Variants in CFAP20DC observed in about 807,000 individuals in gnomAD.
CFAP20DC encodes the protein CFAP20 domain containing.
CFAP20DC carries 84 observed loss-of-function variants against 101.7 expected under a neutral mutation model. That is an observed-to-expected ratio of 0.83 (90% CI 0.69 to 0.99). CFAP20DC has a LOEUF of 0.99. Ranked by LOEUF, CFAP20DC falls within the 50% of genes least tolerant of loss-of-function variation. The pLI, the probability that CFAP20DC is intolerant of heterozygous loss-of-function variation, is 0.00. For missense variants in CFAP20DC, 1,007 were observed against 970.3 expected, an observed-to-expected ratio of 1.04 and a Z score of -0.50; for synonymous variants, 359 against 351.2, an observed-to-expected ratio of 1.02 and a Z score of -0.25.
At chr3:58,962,467 C>A (rs1307027560) in intron 4 of CFAP20DC, among the ~76,000 whole-genome samples, 1 of 152,134 alleles carries the variant, frequency 6.6e-6, no homozygotes, top group Non-Finnish European at 1.5e-5. Flanking sequence ...ATTCCATGTG[C>A]ACTGAAAGAG....
intron 13 of CFAP20DC, among the ~76,000 whole-genome samples, chr3:58,846,414 AT>A (rs2077647991): frequency 6.6e-6 from 1 of 152,066 alleles, no homozygotes; most frequent in South Asian, 2.1e-4. Context: ...CCCATTCACA[AT>A]TGCTTCAAAG....
chr3:58,814,330 T>A (rs1375569024), intron 14 of CFAP20DC, among the ~76,000 whole-genome samples: 1 of 151,846 alleles, frequency 6.6e-6, no homozygotes, highest in Admixed American at 6.6e-5. Flanking sequence ...AAACTCTCAA[T>A]AAATTAGGTA....
Position 58,852,430 on chromosome 3 carries a change from C to T in CFAP20DC, c.1594-3021G>A, listed in dbSNP as rs888479481. On this transcript the variant is annotated intron_variant, in intron 12 of 16. Coordinates refer to ENST00000482387, the MANE Select transcript of CFAP20DC (RefSeq NM_001394063.1). The stretch of plus-strand genomic sequence containing the variant: ...CCACTGTCAACATTAGACAGATCAA[C>T]GAGACAGAAAGTCAACAAGGATACC... Among the ~76,000 whole-genome samples, 6 of 151,834 alleles carry T rather than the reference C, an allele frequency of 4.0e-5. No homozygotes were observed. The East Asian group carries it at 5.8e-4, about 15-fold the overall frequency.
In CFAP20DC at chr3:58,728,564, C is replaced by T. The variant is rs375015746; in HGVS notation, c.198-10936G>A. ...AATGGAAGGCAGGCACAGATTGGGT[C>T]AGTTGATTATTCTGTGCTGAGCTAG... On this transcript the variant is annotated intron_variant, in intron 3 of 3. Transcript: ENST00000486145. The surrounding 1 kb of genome is among the most constrained non-coding windows in gnomAD (Gnocchi z 4.7). Among the ~76,000 whole-genome samples, 142 of 152,232 alleles carry T rather than the reference C, an allele frequency of 9.3e-4. No individual in the cohort carries two copies. The highest frequency in any genetic ancestry group is 3.2e-3 in the African/African-American group (133 of 41,552).
chr3:58,930,901 A>G (rs1022750942), intron 5 of CFAP20DC, among the ~76,000 whole-genome samples: 1 of 152,036 alleles, frequency 6.6e-6, no homozygotes, highest in Non-Finnish European at 1.5e-5. Context: ...CTCACTAGGG[A>G]GTGTCAGACA....
chr3:59,036,201 G>C (rs1490685639), intron 4 of CFAP20DC, among the ~76,000 whole-genome samples: 1 of 152,126 alleles, frequency 6.6e-6, no homozygotes, highest in Non-Finnish European at 1.5e-5. Context: ...CATACTGAAT[G>C]GTCAAAAGCT....
intron 6 of CFAP20DC, among the ~76,000 whole-genome samples, chr3:58,893,563 A>T (rs1156677394): frequency 6.6e-6 from 1 of 152,180 alleles, no homozygotes; most frequent in Admixed American, 6.6e-5. Context: ...AGATTTTTGC[A>T]TCAATGTTCA....
At position 58,863,516 on chromosome 3, in the gene CFAP20DC, A is replaced by T; in HGVS notation, c.1593+42T>A. The T allele has an allele frequency of 6.2e-7, 1 of 1,607,166 alleles. No homozygotes were observed. Among genetic ancestry groups the T allele is most frequent in the Non-Finnish European group, 8.5e-7 (1 of 1,177,538 alleles). ...TTTAGTGCTTATTGGAGCTAAGGAA[A>T]CAACTGTGCTTCAAGACTACTTCAC... On this transcript the variant is annotated intron_variant, in intron 12 of 16. Transcript: ENST00000482387. The surrounding 1 kb of genome is among the most constrained non-coding windows in gnomAD (Gnocchi z 5.9).
intron 4 of CFAP20DC, among the ~76,000 whole-genome samples, chr3:58,998,605 CTCCTATCTT>C (rs1277467537): frequency 6.6e-6 from 1 of 152,008 alleles, no homozygotes; most frequent in African/African-American, 2.4e-5. Flanking sequence ...ACAGCCCCTG[CTCCTATCTT>C]TGTGGAGGAG....
intron 13 of CFAP20DC, among the ~76,000 whole-genome samples, chr3:58,836,728 T>C (rs763293698): frequency 2.0e-5 from 3 of 152,038 alleles, no homozygotes; most frequent in Non-Finnish European, 4.4e-5. Flanking sequence ...AAACTTTCAA[T>C]ACAAGGACTA....
intron 4 of CFAP20DC, among the ~76,000 whole-genome samples, chr3:58,985,484 C>T (rs974974444): frequency 3.5e-4 from 53 of 152,244 alleles, no homozygotes; most frequent in Non-Finnish European, 2.5e-4. Flanking sequence ...TTCATAAAAA[C>T]TATCAATCCC....
intron 4 of CFAP20DC, chr3:59,017,655 T>G (rs1483475495): frequency 2.0e-5 from 3 of 152,172 alleles, no homozygotes; most frequent in African/African-American, 7.2e-5. Context: ...TTACAATTTT[T>G]TAAATTCCAG....
At chr3:58,988,424 T>C (rs537903870) in intron 4 of CFAP20DC, among the ~76,000 whole-genome samples, 6 of 152,314 alleles carry the variant, frequency 3.9e-5, no homozygotes, top group Admixed American at 6.5e-5. Context: ...ACATGTTCCA[T>C]GGGGCAGCAG....
intron 4 of CFAP20DC, among the ~76,000 whole-genome samples, chr3:58,938,546 AT>A (rs2107795130): frequency 6.6e-6 from 1 of 152,240 alleles, no homozygotes; most frequent in African/African-American, 2.4e-5. Context: ...TTTCCCCGTT[AT>A]TAGGGAAAAA....
intron 4 of CFAP20DC, among the ~76,000 whole-genome samples, chr3:59,036,908 A>C (rs1482214293): frequency 6.6e-6 from 1 of 152,240 alleles, no homozygotes; most frequent in African/African-American, 2.4e-5. Context: ...TAACCAAAAC[A>C]GTATGGTACT....
At chr3:58,765,731 T>C (rs867107514) in intron 15 of CFAP20DC, among the ~76,000 whole-genome samples, 3 of 152,192 alleles carry the variant, frequency 2.0e-5, no homozygotes, top group Non-Finnish European at 4.4e-5. Context: ...GGGGATCTTA[T>C]ATTAGGAATT....
At chr3:58,846,263 T>G (rs1257760615) in intron 13 of CFAP20DC, among the ~76,000 whole-genome samples, 1 of 151,644 alleles carries the variant, frequency 6.6e-6, no homozygotes, top group Non-Finnish European at 1.5e-5. Context: ...ATCTAGAAAA[T>G]CCCATTGTCT....
intron 3 of CFAP20DC, among the ~76,000 whole-genome samples, chr3:58,719,953 C>T (rs1029932863): frequency 6.6e-6 from 1 of 152,260 alleles, no homozygotes; most frequent in African/African-American, 2.4e-5. Context: ...GCTGTTATCT[C>T]TTCCTGGAAA....
intron 6 of CFAP20DC, among the ~76,000 whole-genome samples, chr3:58,908,048 T>A (rs1446955804): frequency 6.6e-6 from 1 of 152,296 alleles, no homozygotes; most frequent in East Asian, 1.9e-4. Flanking sequence ...AATTAATTTT[T>A]AAACAAAATA....
Sources: allele counts gnomAD v4.1 joint callset (sites outside exome capture counted in the v4.1 genomes callset), GRCh38; gene constraint gnomAD v4.1.1; non-coding constraint Gnocchi (gnomAD v3.1); transcripts MANE v1.5; gene names NCBI Gene and HGNC (gene_info 2026-07-23, HGNC 2026-07-21).